CTNND2: variants seen among roughly 807,000 people sequenced by gnomAD.
CTNND2 encodes the protein catenin delta 2, also known as catenin delta-2.
CTNND2 carries 22 observed loss-of-function variants against 144.4 expected under a neutral mutation model. The ratio of observed to expected loss-of-function variants is 0.15; its 90% CI spans 0.11 to 0.22. The LOEUF (loss-of-function observed/expected upper bound fraction) is 0.22, where lower values mean the gene tolerates loss of function less well. CTNND2 is among the 10% of genes least tolerant of loss of function. The pLI, the probability that CTNND2 is intolerant of heterozygous loss-of-function variation, is 1.00. For missense variants in CTNND2, 1,353 were observed against 1,618.8 expected, an observed-to-expected ratio of 0.84 and a Z score of 2.82; for synonymous variants, 751 against 695.6, an observed-to-expected ratio of 1.08 and a Z score of -1.25.
chr5:11,133,813 G>A (rs1215043543), intron 12 of CTNND2, among the ~76,000 whole-genome samples: 1 of 152,236 alleles, frequency 6.6e-6, no homozygotes, highest in African/African-American at 2.4e-5. Context: ...GCAGCTCGAA[G>A]ATTCTGCATT....
chr5:11,784,394 TAGG>T (rs764827535), intron 1 of CTNND2, among the ~76,000 whole-genome samples: 4 of 152,240 alleles, frequency 2.6e-5, no homozygotes, highest in Admixed American at 6.5e-5. Flanking sequence ...TAACTGATTT[TAGG>T]AGGTTTTTCT....
At chr5:11,032,612 A>C (rs1743599466) in intron 16 of CTNND2, among the ~76,000 whole-genome samples, 1 of 152,198 alleles carries the variant, frequency 6.6e-6, no homozygotes, top group Non-Finnish European at 1.5e-5. Flanking sequence ...TGACCTCTGG[A>C]AACATCTGGA....
intron 1 of CTNND2, among the ~76,000 whole-genome samples, chr5:11,854,831 A>G (rs541086642): frequency 3.2e-4 from 49 of 152,318 alleles, no homozygotes; most frequent in African/African-American, 1.1e-3. Context: ...TAAAATCAGG[A>G]TAACGTTTCA....
intron 10 of CTNND2, among the ~76,000 whole-genome samples, chr5:11,228,392 A>T (rs144518455): frequency 1.4e-5 from 2 of 148,040 alleles, no homozygotes; most frequent in African/African-American, 5.0e-5. Context: ...AAGAATGTGA[A>T]TGCTCATTTT....
intron 1 of CTNND2, among the ~76,000 whole-genome samples, chr5:11,785,175 T>C (rs569659335): frequency 6.6e-6 from 1 of 152,256 alleles, no homozygotes; most frequent in African/African-American, 2.4e-5. Flanking sequence ...ATTGTGTATA[T>C]TGGTAATTAT....
chr5:11,117,941 G>A (rs1753732657), intron 12 of CTNND2, among the ~76,000 whole-genome samples: 1 of 152,226 alleles, frequency 6.6e-6, no homozygotes, highest in Admixed American at 6.5e-5. Flanking sequence ...TTCAAAGACA[G>A]AACTTGTAAC....
intron 9 of CTNND2, among the ~76,000 whole-genome samples, chr5:11,251,203 G>A (rs1023605749): frequency 1.3e-5 from 2 of 152,088 alleles, no homozygotes; most frequent in Non-Finnish European, 1.5e-5. Context: ...GAACTTTATG[G>A]GTTCACAAAC....
intron 3 of CTNND2, among the ~76,000 whole-genome samples, chr5:11,509,814 C>T (rs1012204910): frequency 5.9e-5 from 9 of 152,158 alleles, no homozygotes; most frequent in South Asian, 2.1e-4. Flanking sequence ...GGAATGTTTT[C>T]GGATTTCACA....
intron 2 of CTNND2, among the ~76,000 whole-genome samples, chr5:11,714,467 A>G (rs1295134388): frequency 6.6e-6 from 1 of 152,196 alleles, no homozygotes; most frequent in African/African-American, 2.4e-5. Flanking sequence ...CAGAGAAGCA[A>G]GCTCACTTAA....
rs754946950 is a variant in CTNND2, at chr5:10,988,978, C to T, written c.3212-736G>A. On this transcript the variant is annotated intron_variant, in intron 19 of 21. Coordinates refer to ENST00000304623, the MANE Select transcript of CTNND2 (RefSeq NM_001332.4). The surrounding 1 kb of genome is among the most constrained non-coding windows in gnomAD (Gnocchi z 5.9). ...GTCTGGCTGGGAGGCTGAGCCCTGCCGTTCCTCTTACACCCATTTCTAAAG... is the reference window on the plus strand; with the variant it reads ...GTCTGGCTGGGAGGCTGAGCCCTGCTGTTCCTCTTACACCCATTTCTAAAG... 1.3e-5 allele frequency among the ~76,000 whole-genome samples: 2 copies of T among 152,176 alleles called. No homozygotes were observed. The highest frequency in any genetic ancestry group is 2.9e-5 in the Non-Finnish European group (2 of 68,030).
intron 11 of CTNND2, among the ~76,000 whole-genome samples, chr5:11,183,850 C>T (rs527844604): frequency 2.0e-5 from 3 of 152,144 alleles, no homozygotes; most frequent in South Asian, 2.1e-4. Context: ...TGAGCCACCG[C>T]GCCTGGCCTA....
intron 16 of CTNND2, among the ~76,000 whole-genome samples, chr5:11,075,680 A>G (rs1748869848): frequency 6.6e-6 from 1 of 152,258 alleles, no homozygotes; most frequent in South Asian, 2.1e-4. Context: ...GAGCTCCGCC[A>G]GTACCCGCAG....
In CTNND2 at chr5:11,110,993, C is replaced by T. The variant is rs762090361; in HGVS notation, c.2328G>A (p.Ala776=). Residue 776 remains alanine, a synonymous_variant, in exon 14 of 22, where the codon GCG becomes GCA. Transcript: ENST00000304623. The part of the protein sequence containing the change: ...CILRNLSYRL[A]AETSQGQHMG... ...TGTGCTGTCCCTGAGACGTTTCTGCCGCCAGCCGGTACGAGAGGTTCCTTA... is the reference window on the plus strand; with the variant it reads ...TGTGCTGTCCCTGAGACGTTTCTGCTGCCAGCCGGTACGAGAGGTTCCTTA... 2.7e-5 allele frequency: 44 copies of T among 1,614,004 alleles called. No homozygotes were observed. Among genetic ancestry groups the T allele is most frequent in the East Asian group, 1.8e-4 (8 of 44,880 alleles).
chr5:11,230,993 T>G (rs1022534633), intron 10 of CTNND2, among the ~76,000 whole-genome samples: 2 of 152,090 alleles, frequency 1.3e-5, no homozygotes, highest in African/African-American at 2.4e-5. Context: ...CACTTTGAAT[T>G]GTAAAAATCC....
chr5:11,544,171 ATTTTTTT>A (rs373953045), intron 3 of CTNND2, among the ~76,000 whole-genome samples: 4 of 149,812 alleles, frequency 2.7e-5, no homozygotes, highest in Admixed American at 6.7e-5. Flanking sequence ...TCCAAGGCAG[ATTTTTTT>A]TTTCTTTTTT....
At chr5:11,181,307 G>A (rs1305171071) in intron 11 of CTNND2, among the ~76,000 whole-genome samples, 1 of 152,186 alleles carries the variant, frequency 6.6e-6, no homozygotes, top group Non-Finnish European at 1.5e-5. Flanking sequence ...AAATTGTAAT[G>A]CAAGGGGCAG....
intron 9 of CTNND2, among the ~76,000 whole-genome samples, chr5:11,299,811 T>C (rs1749396848): frequency 6.6e-6 from 1 of 152,156 alleles, no homozygotes; most frequent in Admixed American, 6.5e-5. Flanking sequence ...CATTTGCAGA[T>C]CTGAAGTCTT....
chr5:11,231,432 GAT>G (rs927968731), intron 10 of CTNND2, among the ~76,000 whole-genome samples: 5 of 152,182 alleles, frequency 3.3e-5, no homozygotes, highest in African/African-American at 1.2e-4. Context: ...TGCTGATAGT[GAT>G]ATGGACAAGG....
chr5:11,558,177 A>G (rs1254871555), intron 3 of CTNND2, among the ~76,000 whole-genome samples: 2 of 152,226 alleles, frequency 1.3e-5, no homozygotes, highest in African/African-American at 4.8e-5. Flanking sequence ...CATTTAGTCA[A>G]TCAATAAGCA....
Sources: allele counts gnomAD v4.1 joint callset (sites outside exome capture counted in the v4.1 genomes callset), GRCh38; gene constraint gnomAD v4.1.1; non-coding constraint Gnocchi (gnomAD v3.1); transcripts MANE v1.5; gene names NCBI Gene and HGNC (gene_info 2026-07-23, HGNC 2026-07-21).